Variants in CSMD1 observed in about 807,000 individuals in gnomAD.
CSMD1 encodes the protein CUB and Sushi multiple domains 1.
CSMD1 carries 213 observed loss-of-function variants against 417.5 expected under a neutral mutation model. The ratio of observed to expected loss-of-function variants is 0.51; its 90% CI spans 0.46 to 0.57. The LOEUF (loss-of-function observed/expected upper bound fraction) is 0.57, where lower values mean the gene tolerates loss of function less well. CSMD1 is among the 20% of genes least tolerant of loss of function. CSMD1 has a pLI of 0.00. For missense variants in CSMD1, 6,923 were observed against 4,529.7 expected, an observed-to-expected ratio of 1.53 and a Z score of -15.17; for synonymous variants, 2,862 against 1,736.8, an observed-to-expected ratio of 1.65 and a Z score of -16.11.
intron 8 of CSMD1, among the ~76,000 whole-genome samples, chr8:3,592,330 T>C (rs1200791581): frequency 3.9e-5 from 6 of 152,066 alleles, no homozygotes; most frequent in Non-Finnish European, 5.9e-5. Flanking sequence ...ATAAAAGGAA[T>C]ATATATATAT....
rs1346626742 is a variant in CSMD1, at chr8:4,911,550, A to T, written c.85+82782T>A. 2.0e-5 allele frequency among the ~76,000 whole-genome samples: 3 copies of T among 152,194 alleles called. No individual in the cohort carries two copies. In the East Asian group the frequency reaches 5.8e-4, roughly 29 times the overall value. ...TAATCCCAAGTCAGGGCCAAACTTT[A>T]CTGCTAATACCTGCCCTCTACCTGC... On this transcript the variant is annotated intron_variant, in intron 1 of 69. Transcript: ENST00000635120.
chr8:3,871,809 G>C (rs150311116), intron 5 of CSMD1, among the ~76,000 whole-genome samples: 2 of 152,214 alleles, frequency 1.3e-5, no homozygotes, highest in African/African-American at 2.4e-5. Flanking sequence ...TGTGAATGAA[G>C]TGTGAAGCTT....
intron 6 of CSMD1, among the ~76,000 whole-genome samples, chr8:3,716,376 G>T (rs1040121491): frequency 1.1e-4 from 16 of 152,200 alleles, no homozygotes; most frequent in Admixed American, 4.6e-4. Flanking sequence ...AGTCTTGAAG[G>T]CCGCTGGTTG....
At chr8:4,617,174 A>T (rs911316140) in intron 2 of CSMD1, among the ~76,000 whole-genome samples, 4 of 152,182 alleles carry the variant, frequency 2.6e-5, no homozygotes, top group Admixed American at 2.0e-4. Flanking sequence ...ATCTGCTCTT[A>T]TGCCACTTTG....
At chr8:4,648,409 G>C (rs1360116375) in intron 1 of CSMD1, among the ~76,000 whole-genome samples, 56 of 152,074 alleles carry the variant, frequency 3.7e-4, no homozygotes, top group Admixed American at 3.7e-3. Flanking sequence ...TGGTGCCTCA[G>C]CCATGAGTCT....
intron 3 of CSMD1, among the ~76,000 whole-genome samples, chr8:4,112,809 C>A (rs1393879352): frequency 6.6e-6 from 1 of 152,160 alleles, no homozygotes; most frequent in African/African-American, 2.4e-5. Context: ...ACAGACATAA[C>A]TTTTGTTTAT....
chr8:2,974,589 C>T lies in CSMD1; in HGVS notation c.8602G>A (p.Ala2868Thr), dbSNP rs376646146. 3.4e-5 allele frequency: 55 copies of T among 1,610,880 alleles called. No individual in the cohort carries two copies. The highest frequency in any genetic ancestry group is 6.7e-5 in the African/African-American group (5 of 74,848). Residue 2868 changes from alanine to threonine, a missense_variant, in exon 56 of 70, where the codon GCC (alanine) becomes ACC (threonine). Coordinates refer to ENST00000635120, the MANE Select transcript of CSMD1 (RefSeq NM_033225.6). Reference sequence around the variant, plus strand: ...GTAAACAGCTCTCCAGTGAGGACGGCGTTGGCAGGGACCCCTGGGTGTCCA... The same window carrying T: ...GTAAACAGCTCTCCAGTGAGGACGGTGTTGGCAGGGACCCCTGGGTGTCCA... ...SCGHPGVPAN[A>T]VLTGELFTYG...
intron 12 of CSMD1, among the ~76,000 whole-genome samples, chr8:3,423,821 T>C (rs1813652418): frequency 6.6e-6 from 1 of 152,226 alleles, no homozygotes; most frequent in African/African-American, 2.4e-5. Flanking sequence ...TCAGCGACCT[T>C]GTCTCTCCTC....
rs61391436 is a variant in CSMD1, at chr8:3,613,702, A to AACACACAC, written c.1097+3000_1097+3007dup. Among the ~76,000 whole-genome samples the AACACACAC allele has an allele frequency of 7.9e-3, 1,142 of 144,866 alleles. 6 individuals carry two copies. The highest frequency in any genetic ancestry group is 0.012 in the East Asian group (59 of 4,824). ...AAATTCCAAATTCATGTCAGATTAA[A>AACACACAC]ACACACACACACACACACACACACA... On this transcript the variant is annotated intron_variant, in intron 8 of 69. Coordinates refer to ENST00000635120, the MANE Select transcript of CSMD1 (RefSeq NM_033225.6).
chr8:4,568,869 T>C (rs1416134210), intron 2 of CSMD1, among the ~76,000 whole-genome samples: 5 of 152,210 alleles, frequency 3.3e-5, no homozygotes, highest in African/African-American at 1.2e-4. Flanking sequence ...CTCTAATGAC[T>C]AGTGATGATG....
chr8:4,010,663 G>C (rs1045288366), intron 4 of CSMD1, among the ~76,000 whole-genome samples: 5 of 151,982 alleles, frequency 3.3e-5, no homozygotes, highest in East Asian at 1.9e-4. Context: ...TGACTCATGG[G>C]ACCTAGAGTT....
At chr8:3,708,191 G>C (rs1474450514) in intron 7 of CSMD1, among the ~76,000 whole-genome samples, 1 of 152,126 alleles carries the variant, frequency 6.6e-6, no homozygotes. Flanking sequence ...CAGTGATCAG[G>C]GCAGACGTGA....
intron 3 of CSMD1, among the ~76,000 whole-genome samples, chr8:4,362,144 CAG>C (rs968733250): frequency 5.9e-5 from 9 of 152,108 alleles, no homozygotes; most frequent in African/African-American, 2.2e-4. Context: ...AGAATTATGA[CAG>C]AGGGTAATTC....
At chr8:3,304,951 C>CTACAACTTTTCAAAATCAAAGCCAT (rs1217729069) in intron 25 of CSMD1, among the ~76,000 whole-genome samples, 1 of 151,886 alleles carries the variant, frequency 6.6e-6, no homozygotes, top group Non-Finnish European at 1.5e-5. Flanking sequence ...TAGATGATTT[C>CTACAACTTTTCAAAATCAAAGCCAT]TACAACTTTT....
intron 5 of CSMD1, among the ~76,000 whole-genome samples, chr8:3,887,479 T>A (rs796456518): frequency 2.6e-5 from 4 of 152,338 alleles, no homozygotes; most frequent in African/African-American, 9.6e-5. Flanking sequence ...AGGCGTCCAG[T>A]TCTCACCTCT....
chr8:4,392,051 C>T (rs972180729), intron 3 of CSMD1, among the ~76,000 whole-genome samples: 11 of 152,174 alleles, frequency 7.2e-5, no homozygotes, highest in Non-Finnish European at 1.5e-4. Context: ...GGGGGCAATG[C>T]GACCCTGTGG....
intron 68 of CSMD1, 37 bp from the exon 69 acceptor site, chr8:2,942,641 G>A: frequency 6.7e-7 from 1 of 1,490,052 alleles, no homozygotes. Flanking sequence ...TGTTGTTACT[G>A]TACTCTGCTT....
chr8:3,602,871 T>C (rs1328201337), intron 8 of CSMD1, among the ~76,000 whole-genome samples: 1 of 152,170 alleles, frequency 6.6e-6, no homozygotes, highest in Admixed American at 6.6e-5. Flanking sequence ...ATGTTTTGTA[T>C]TTTGAAGCTA....
chr8:3,471,009 T>G (rs1332868261), intron 11 of CSMD1, among the ~76,000 whole-genome samples: 1 of 152,174 alleles, frequency 6.6e-6, no homozygotes, highest in Admixed American at 6.5e-5. Flanking sequence ...TGTGTGAGCA[T>G]AAATCTTCAT....
Sources: allele counts gnomAD v4.1 joint callset (sites outside exome capture counted in the v4.1 genomes callset), GRCh38; gene constraint gnomAD v4.1.1; transcripts MANE v1.5; gene names NCBI Gene and HGNC (gene_info 2026-07-23, HGNC 2026-07-21).